KCNG3: variants seen among roughly 807,000 people sequenced by gnomAD.
KCNG3 encodes voltage-gated potassium channel regulatory subunit KCNG3.
Under a neutral mutation model 29.0 loss-of-function variants are expected in KCNG3, and 15 were observed. The observed-to-expected ratio is 0.52, with a 90% CI of 0.35 to 0.80. The LOEUF is 0.80. Ranked by LOEUF, KCNG3 falls within the 30% of genes least tolerant of loss-of-function variation. The pLI, the probability that KCNG3 is intolerant of heterozygous loss-of-function variation, is 0.01. For synonymous variants in KCNG3, 322 were observed against 248.9 expected (o/e 1.29, Z -2.76); for missense variants, 512 against 605.7 (o/e 0.85, Z 1.62).
intron 1 of KCNG3, chr2:42,469,972 C>T: frequency 2.2e-6 from 1 of 449,870 alleles, no homozygotes; most frequent in Non-Finnish European, 4.0e-6. Context: ...CGGTGTGATA[C>T]AGAGAGACAC....
Position 42,488,890 on chromosome 2 carries a change from T to C in KCNG3, c.665+3947A>G, listed in dbSNP as rs145771579. On this transcript the variant is annotated intron_variant, in intron 1 of 1. Transcript: ENST00000306078. ...AATTATACAATAGAAGATATAGTTC[T>C]GGAAGGTTATATTTTGAAATGTTAT... Among the ~76,000 whole-genome samples the C allele has an allele frequency of 4.8e-3, 724 of 151,698 alleles. 8 individuals carry two copies. Among genetic ancestry groups the C allele is most frequent in the African/African-American group, 0.016 (667 of 41,420 alleles).
intron 1 of KCNG3, among the ~76,000 whole-genome samples, chr2:42,456,718 C>T (rs1672883413): frequency 6.6e-6 from 1 of 152,106 alleles, no homozygotes; most frequent in Non-Finnish European, 1.5e-5. Flanking sequence ...CCCAGGAGTG[C>T]CACAAAAGGA....
At chr2:42,414,036 CTACT>C in the KCNG3 span, among the ~76,000 whole-genome samples, 1 of 152,124 alleles carries the variant, frequency 6.6e-6, no homozygotes, top group Non-Finnish European at 1.5e-5. Flanking sequence ...TCTGAAATAC[CTACT>C]TGTTTTTGGC....
chr2:42,476,319 T>C (rs998862331), intron 1 of KCNG3, among the ~76,000 whole-genome samples: 2 of 149,062 alleles, frequency 1.3e-5, no homozygotes, highest in Admixed American at 6.7e-5. Flanking sequence ...AAAAAAAAAA[T>C]ACAAAAAATT....
the KCNG3 span, chr2:42,425,159 TC>T: frequency 1.3e-5 from 2 of 148,658 alleles, no homozygotes; most frequent in African/African-American, 5.0e-5. Context: ...GGGCAGCTGC[TC>T]CACCGGTGGG....
intron 1 of KCNG3, among the ~76,000 whole-genome samples, chr2:42,451,966 A>T (rs951453016): frequency 1.3e-5 from 2 of 152,004 alleles, no homozygotes; most frequent in African/African-American, 4.8e-5. Context: ...AACCTACAGA[A>T]TGGGAGATGA....
intron 1 of KCNG3, chr2:42,463,327 T>TTCTGA (rs113211982): frequency 6.5e-3 from 24 of 3,690 alleles, no homozygotes; most frequent in Middle Eastern, 0.17. Flanking sequence ...TTGCCTGCTG[T>TTCTGA]AGTGAGTGTT....
chr2:42,407,935 C>T, the KCNG3 span, among the ~76,000 whole-genome samples: 1 of 152,228 alleles, frequency 6.6e-6, no homozygotes, highest in African/African-American at 2.4e-5. Flanking sequence ...CAGAAAGCCC[C>T]ACCTGACCTT....
At chr2:42,410,789 A>C in the KCNG3 span, among the ~76,000 whole-genome samples, 2 of 151,922 alleles carry the variant, frequency 1.3e-5, no homozygotes, top group Non-Finnish European at 2.9e-5. Flanking sequence ...TAAGCTTTTC[A>C]TTTGTCTTTT....
intron 1 of KCNG3, among the ~76,000 whole-genome samples, chr2:42,484,375 T>C (rs985927704): frequency 4.6e-5 from 7 of 152,124 alleles, no homozygotes; most frequent in Non-Finnish European, 8.8e-5. Flanking sequence ...GGCAGGAGAA[T>C]TGCTTGAACC....
At chr2:42,482,108 G>GT (rs1673601661) in intron 1 of KCNG3, among the ~76,000 whole-genome samples, 1 of 152,132 alleles carries the variant, frequency 6.6e-6, no homozygotes, top group Non-Finnish European at 1.5e-5. Context: ...ACAGTGTTAT[G>GT]TATTTATTTA....
the KCNG3 span, among the ~76,000 whole-genome samples, chr2:42,407,024 T>TA: frequency 1.4e-4 from 21 of 150,778 alleles, no homozygotes; most frequent in East Asian, 3.9e-4. Context: ...GGTCCACTGT[T>TA]AAAAAAAAAC....
chr2:42,391,593 CTCTTT>C, the KCNG3 span, among the ~76,000 whole-genome samples: 1 of 131,444 alleles, frequency 7.6e-6, no homozygotes, highest in Non-Finnish European at 1.6e-5. Context: ...CATTTTATAT[CTCTTT>C]TTTTTTTTTT....
chr2:42,444,616 T>G lies in KCNG3; in HGVS notation c.666-37A>C. On this transcript the variant is annotated intron_variant, in intron 1 of 1. Transcript: ENST00000306078. The surrounding 1 kb of genome is among the most constrained non-coding windows in gnomAD (Gnocchi z 5.8). ...ACAAAAGAAGAATTGATCATTTTAT[T>G]TTTAAGCATTTTAATAGCTCTTAGA... is the stretch of plus-strand genomic sequence containing the variant. The G allele has an allele frequency of 6.5e-7, 1 of 1,540,018 alleles. No homozygotes were observed. Among genetic ancestry groups the G allele is most frequent in the Non-Finnish European group, 8.8e-7 (1 of 1,136,602 alleles).
At chr2:42,402,491 G>A in the KCNG3 span, among the ~76,000 whole-genome samples, 3 of 152,316 alleles carry the variant, frequency 2.0e-5, no homozygotes, top group East Asian at 3.9e-4. Flanking sequence ...TTCAAGACCA[G>A]CCTGGGCAAC....
At chr2:42,388,823 A>T in the KCNG3 span, among the ~76,000 whole-genome samples, 8 of 152,214 alleles carry the variant, frequency 5.3e-5, no homozygotes, top group East Asian at 1.5e-3. Context: ...AGAGAAAACC[A>T]CTATTTATAC....
chr2:42,486,018 C>G (rs1673711192), intron 1 of KCNG3, among the ~76,000 whole-genome samples: 2 of 152,188 alleles, frequency 1.3e-5, no homozygotes, highest in African/African-American at 4.8e-5. Flanking sequence ...GGACTAAACT[C>G]AGTTGTAAAG....
At chr2:42,473,169 T>A (rs2103712375) in intron 1 of KCNG3, among the ~76,000 whole-genome samples, 1 of 152,150 alleles carries the variant, frequency 6.6e-6, no homozygotes, top group South Asian at 2.1e-4. Flanking sequence ...GTGCTGAGAT[T>A]ACAGGTGTGA....
chr2:42,401,871 G>A, the KCNG3 span, among the ~76,000 whole-genome samples: 14 of 152,100 alleles, frequency 9.2e-5, no homozygotes, highest in African/African-American at 2.7e-4. Context: ...GTGACACAGC[G>A]AGAATCCGTC....
Sources: gnomAD v4.1 joint callset for allele counts (sites outside exome capture counted in the v4.1 genomes callset) on GRCh38, gnomAD v4.1.1 for gene constraint, Gnocchi (gnomAD v3.1) non-coding constraint, MANE v1.5 for transcripts, NCBI Gene and HGNC (gene_info 2026-07-23, HGNC 2026-07-21) for gene names.